The following ANLN variants were observed in gnomAD, a reference collection of about 807,000 sequenced individuals.
The protein encoded by ANLN is anillin.
A neutral mutation model predicts 135.1 loss-of-function variants in ANLN; 59 were observed. That is an observed-to-expected ratio of 0.44 (90% CI 0.35 to 0.54). The LOEUF (loss-of-function observed/expected upper bound fraction) is 0.54, where lower values mean the gene tolerates loss of function less well. ANLN is among the 20% of genes least tolerant of loss of function. The probability of loss-of-function intolerance (pLI) is 0.00; values close to 1 mark genes in which losing one functional copy is unlikely to be tolerated. For synonymous variants in ANLN, 406 were observed against 456.4 expected (o/e 0.89, Z 1.41); for missense variants, 1,182 against 1,340.0 (o/e 0.88, Z 1.84).
chr7:36,407,866 T>G lies in ANLN; in HGVS notation c.1006T>G (p.Ser336Ala). ...GGGGGTATCGAAACCAATTGTGAAG[T>G]CAACTTTATCCCAGACAGTTCCATC... ...KTGVSKPIVK[S>A]TLSQTVPSKG... The change falls in exon 5 of 24, where the codon TCA becomes GCA. Residue 336 changes from serine to alanine, a missense_variant. Transcript: ENST00000265748. 3 of 1,613,926 alleles carry G rather than the reference T, an allele frequency of 1.9e-6. No homozygotes were observed. Among genetic ancestry groups the G allele is most frequent in the African/African-American group, 1.3e-5 (1 of 75,040 alleles).
intron 18 of ANLN, 114 bp downstream of exon 18, chr7:36,425,854 G>T (rs935575462): frequency 8.5e-7 from 1 of 1,183,366 alleles, no homozygotes; most frequent in Middle Eastern, 2.0e-4. Context: ...ATTTTAACAT[G>T]TACTAATGGG....
intron 4 of ANLN, 44 bp downstream of exon 4, chr7:36,406,610 C>T (rs200888581): frequency 1.5e-4 from 223 of 1,461,942 alleles, no homozygotes; most frequent in Middle Eastern, 2.3e-4. Context: ...TTTCTTTTTT[C>T]GTTATGAGTG....
intron 13 of ANLN, 101 bp downstream of exon 13, chr7:36,422,093 A>C (rs948591988): frequency 1.9e-5 from 25 of 1,333,916 alleles, no homozygotes; most frequent in Non-Finnish European, 2.3e-5. Context: ...GGCTTTTCCT[A>C]GTCATCTGTT....
rs753799345 is a variant in ANLN at position 36,415,838 on chromosome 7, G to T, written c.1476G>T (p.Val492=). The T allele has an allele frequency of 6.2e-7, 1 of 1,608,414 alleles. No individual in the cohort carries two copies. Among genetic ancestry groups the T allele is most frequent in the Non-Finnish European group, 8.5e-7 (1 of 1,178,104 alleles). Residue 492 remains valine, a synonymous_variant, in exon 8 of 24, where the codon GTG becomes GTT. Transcript: ENST00000265748. ...KTQSLPVTEK[V]TENQIPAKNS... is the part of the protein sequence containing the mutation. ...AGTCACTTCCAGTAACAGAAAAGGT[G>T]ACCGAAAACCAGATACCAGCCAAAA...
intron 3 of ANLN, among the ~76,000 whole-genome samples, chr7:36,404,291 G>C (rs1331351192): frequency 6.6e-6 from 1 of 152,178 alleles, no homozygotes; most frequent in Admixed American, 6.5e-5. Flanking sequence ...TTTCTAAGGT[G>C]AGAGAGACTT....
chr7:36,405,150 C>T (rs1261859793), intron 3 of ANLN, among the ~76,000 whole-genome samples: 2 of 152,192 alleles, frequency 1.3e-5, no homozygotes, highest in Non-Finnish European at 2.9e-5. Flanking sequence ...CATTGTGTTA[C>T]AGTTGCCTGC....
rs191157347 is a variant in ANLN, at chr7:36,413,841, A to G, written c.1396-1917A>G. On this transcript the variant is annotated intron_variant, in intron 7 of 23. Transcript: ENST00000265748. ...CCCTATCTGTACTAAAAATACAAAA[A>G]AAATTAGCCAGGCCTGGTGGCGGGT... Among the ~76,000 whole-genome samples, 736 of 152,206 alleles carry G rather than the reference A, an allele frequency of 4.8e-3. 4 individuals are homozygous for G. The highest frequency in any genetic ancestry group is 7.9e-3 in the Non-Finnish European group (535 of 68,014).
intron 20 of ANLN, among the ~76,000 whole-genome samples, chr7:36,434,296 G>A (rs1238734219): frequency 1.3e-5 from 2 of 152,164 alleles, no homozygotes; most frequent in Non-Finnish European, 1.5e-5. Flanking sequence ...TGAGATCTAA[G>A]TACTGCACGT....
At chr7:36,445,177 T>C (rs934185556) in intron 22 of ANLN, among the ~76,000 whole-genome samples, 2 of 145,194 alleles carry the variant, frequency 1.4e-5, no homozygotes, top group African/African-American at 5.0e-5. Flanking sequence ...TTTTTTTTTT[T>C]TTTTTTTTTT....
At chr7:36,403,165 C>T (rs1787031636) in intron 3 of ANLN, among the ~76,000 whole-genome samples, 1 of 151,804 alleles carries the variant, frequency 6.6e-6, no homozygotes, top group Non-Finnish European at 1.5e-5. Flanking sequence ...AGAGTGAAGG[C>T]CTGTGGAAAT....
In ANLN at chr7:36,396,325, G is replaced by T; in HGVS notation, c.78G>T (p.Arg26Ser). 1 of 1,608,266 alleles carries T rather than the reference G, an allele frequency of 6.2e-7. No individual in the cohort carries two copies. Among genetic ancestry groups the T allele is most frequent in the Non-Finnish European group, 8.5e-7 (1 of 1,175,708 alleles). ...RENLQRKMAE[R>S]PTAAPRSMTH... ...ATCTTCAGAGAAAAATGGCTGAGAG[G>T]CCCACAGCAGCTCCAAGGTCTATGA... is the stretch of plus-strand genomic sequence containing the variant. Residue 26 changes from arginine (R) to serine (S), a missense_variant, in exon 2 of 24, where the codon AGG becomes AGT. Physicochemically the swap from Arg to Ser is moderately radical, Grantham distance 110. Coordinates refer to ENST00000265748, the MANE Select transcript of ANLN (RefSeq NM_018685.5).
chr7:36,419,629 A>T, intron 10 of ANLN, 150 bp downstream of exon 10: 1 of 650,582 alleles, frequency 1.5e-6, no homozygotes, highest in Non-Finnish European at 2.6e-6. Flanking sequence ...AGAAACCTTA[A>T]AACTCTTGAG....
Position 36,421,882 on chromosome 7 carries a change from AACAG to A in ANLN, c.2194_2197del (p.Thr732Ter). 1 of 1,612,478 alleles carries A rather than the reference AACAG, an allele frequency of 6.2e-7. No homozygotes were observed. The highest frequency in any genetic ancestry group is 8.5e-7 in the Non-Finnish European group (1 of 1,179,270). On this transcript the variant is annotated frameshift_variant, in exon 13 of 24. Transcript: ENST00000265748. LOFTEE classifies it high-confidence loss of function. Reference sequence around the variant, plus strand: ...GAACTCAATAACGAAATAAATATGCAACAGACAGTGATCTATCAAGCTAGCCAGG... The same window carrying A: ...GAACTCAATAACGAAATAAATATGCAACAGTGATCTATCAAGCTAGCCAGG...
intron 20 of ANLN, among the ~76,000 whole-genome samples, chr7:36,431,654 C>A (rs1788336541): frequency 7.5e-6 from 1 of 133,852 alleles, no homozygotes; most frequent in Non-Finnish European, 1.6e-5. Context: ...TTCTTGATTT[C>A]AGGGACAAAT....
chr7:36,444,591 A>G (rs1788914876), intron 22 of ANLN, among the ~76,000 whole-genome samples: 1 of 152,148 alleles, frequency 6.6e-6, no homozygotes, highest in African/African-American at 2.4e-5. Context: ...TTTGTGTAAT[A>G]TATCATGTTT....
chr7:36,428,113 A>G (rs1788162192), intron 20 of ANLN, among the ~76,000 whole-genome samples: 1 of 152,220 alleles, frequency 6.6e-6, no homozygotes, highest in Non-Finnish European at 1.5e-5. Flanking sequence ...CTAAAATTCT[A>G]TGAAATGCTT....
In ANLN at chr7:36,416,249, G is replaced by A. The variant is rs551661334; in HGVS notation, c.1522+365G>A. On this transcript the variant is annotated intron_variant, in intron 8 of 23. Transcript: ENST00000265748. The stretch of plus-strand genomic sequence containing the variant: ...TTGGCCAAGCTGTTCTCAAACTCCT[G>A]ACCTCGTGATCTGCTTGCCTTGGCC... Among the ~76,000 whole-genome samples the A allele has an allele frequency of 1.8e-4, 27 of 152,290 alleles. No homozygotes were observed. The South Asian group carries it at 5.6e-3, about 32-fold the overall frequency.
chr7:36,412,329 T>A (rs199609015), intron 7 of ANLN, among the ~76,000 whole-genome samples: 11,450 of 59,450 alleles, frequency 0.19, 451 homozygotes, highest in Admixed American at 0.27. Context: ...ATATATATAT[T>A]TTTTTTTTTT....
chr7:36,415,496 C>G (rs776136839), intron 7 of ANLN, among the ~76,000 whole-genome samples: 10 of 151,824 alleles, frequency 6.6e-5, no homozygotes, highest in Non-Finnish European at 1.3e-4. Context: ...AAACTGAGCC[C>G]TGATATGAAT....
Sources: gnomAD v4.1 joint callset for allele counts (sites outside exome capture counted in the v4.1 genomes callset) on GRCh38, gnomAD v4.1.1 for gene constraint, MANE v1.5 for transcripts, NCBI Gene and HGNC (gene_info 2026-07-23, HGNC 2026-07-21) for gene names.